Variants in ACTR3C observed in about 807,000 individuals in gnomAD.
ACTR3C encodes the protein actin-related protein 3C.
ACTR3C carries 18 observed loss-of-function variants against 26.3 expected under a neutral mutation model. The observed-to-expected ratio is 0.68, with a 90% CI of 0.47 to 1.01. The LOEUF (loss-of-function observed/expected upper bound fraction) is 1.01. ACTR3C is among the 50% of genes least tolerant of loss of function. The pLI is 0.00. For synonymous variants in ACTR3C, 55 were observed against 94.5 expected, an observed-to-expected ratio of 0.58 and a Z score of 2.42; for missense variants, 184 against 250.7, an observed-to-expected ratio of 0.73 and a Z score of 1.80.
the ACTR3C span, among the ~76,000 whole-genome samples, chr7:150,037,389 C>CG: frequency 6.8e-3 from 348 of 51,078 alleles, 119 homozygotes; most frequent in Non-Finnish European, 0.013. Flanking sequence ...CCTCCCCCCT[C>CG]TGCGATGGGG....
chr7:150,018,895 T>C, the ACTR3C span, among the ~76,000 whole-genome samples: 1 of 137,668 alleles, frequency 7.3e-6, no homozygotes, highest in African/African-American at 2.7e-5. Context: ...TATTTGAGTT[T>C]AGCAATGCCT....
At chr7:150,222,976 G>A in the ACTR3C span, among the ~76,000 whole-genome samples, 1 of 152,066 alleles carries the variant, frequency 6.6e-6, no homozygotes, top group Non-Finnish European at 1.5e-5. Flanking sequence ...AAAAAATTGT[G>A]GTATAATGTA....
At chr7:150,123,594 C>T in the ACTR3C span, among the ~76,000 whole-genome samples, 1 of 136,508 alleles carries the variant, frequency 7.3e-6, no homozygotes, top group Admixed American at 7.5e-5. Context: ...CACACACACA[C>T]ACACACACAC....
At chr7:149,904,543 CAACAACAAA>C in the ACTR3C span, among the ~76,000 whole-genome samples, 7 of 68,912 alleles carry the variant, frequency 1.0e-4, no homozygotes, top group Admixed American at 6.9e-4. Context: ...AAAACAACAA[CAACAACAAA>C]AAAAACTTTA....
At chr7:150,243,102 A>T (rs1306475321), downstream of ACTR3C, among the ~76,000 whole-genome samples, 1 of 152,164 alleles carries the variant, frequency 6.6e-6, no homozygotes, top group Non-Finnish European at 1.5e-5. Context: ...TGTGTGTGTT[A>T]TCTTGATTAC....
At chr7:150,037,784 T>G in the ACTR3C span, among the ~76,000 whole-genome samples, 3 of 36,364 alleles carry the variant, frequency 8.2e-5, no homozygotes, top group East Asian at 1.4e-3. Context: ...CCTCCTGCGA[T>G]GGGGGTCCCC....
At chr7:149,976,670 A>T in the ACTR3C span, among the ~76,000 whole-genome samples, 2 of 151,968 alleles carry the variant, frequency 1.3e-5, no homozygotes, top group East Asian at 3.8e-4. Context: ...ATAAAAGTAA[A>T]AAAAAATTAT....
At chr7:150,051,261 AT>A in the ACTR3C span, among the ~76,000 whole-genome samples, 1 of 152,020 alleles carries the variant, frequency 6.6e-6, no homozygotes, top group Non-Finnish European at 1.5e-5. Flanking sequence ...AGTGGTTAGT[AT>A]GTTAGAATAA....
chr7:150,120,597 C>A, the ACTR3C span, among the ~76,000 whole-genome samples: 2 of 151,886 alleles, frequency 1.3e-5, no homozygotes, highest in African/African-American at 4.8e-5. Context: ...TAATTAATAG[C>A]CTACCAACCA....
chr7:150,000,241 A>G, the ACTR3C span, among the ~76,000 whole-genome samples: 1 of 151,570 alleles, frequency 6.6e-6, no homozygotes, highest in South Asian at 2.1e-4. Flanking sequence ...AAATACCAAG[A>G]TTTAAAATGT....
At chr7:150,006,215 GAGA>G in the ACTR3C span, among the ~76,000 whole-genome samples, 8 of 81,454 alleles carry the variant, frequency 9.8e-5, no homozygotes, top group South Asian at 2.9e-3. Flanking sequence ...TATTTATTTT[GAGA>G]AGGAGTCTTA....
intron 1 of ACTR3C, among the ~76,000 whole-genome samples, chr7:150,298,425 A>G (rs1007583911): frequency 6.6e-6 from 1 of 150,500 alleles, no homozygotes; most frequent in Non-Finnish European, 1.5e-5. Flanking sequence ...ATGCCATACC[A>G]GTCCGATTAA....
chr7:149,900,796 G>A, the ACTR3C span, among the ~76,000 whole-genome samples: 2 of 152,200 alleles, frequency 1.3e-5, no homozygotes, highest in African/African-American at 4.8e-5. Flanking sequence ...CCAGCACTTT[G>A]GAAGGCCGAG....
At chr7:150,208,794 T>C in the ACTR3C span, among the ~76,000 whole-genome samples, 298 of 152,208 alleles carry the variant, frequency 2.0e-3, no homozygotes, top group Admixed American at 5.2e-3. Flanking sequence ...AGCAAAACAA[T>C]ACAAATCTCA....
At chr7:150,037,795 A>G in the ACTR3C span, among the ~76,000 whole-genome samples, 1 of 40,680 alleles carries the variant, frequency 2.5e-5, no homozygotes, top group African/African-American at 6.4e-5. Flanking sequence ...GGGGGTCCCC[A>G]GAGCCAGCGG....
At chr7:150,106,743 C>T in the ACTR3C span, among the ~76,000 whole-genome samples, 2 of 138,118 alleles carry the variant, frequency 1.4e-5, no homozygotes, top group African/African-American at 3.0e-5. Context: ...TCAGGCAACA[C>T]ACTTAACCAA....
the ACTR3C span, among the ~76,000 whole-genome samples, chr7:150,234,430 C>T: frequency 0.059 from 9,027 of 151,896 alleles, 489 homozygotes; most frequent in African/African-American, 0.14. Context: ...CTCTTCCATG[C>T]GCCCCACATG....
At chr7:150,093,003 C>T in the ACTR3C span, among the ~76,000 whole-genome samples, 1 of 151,350 alleles carries the variant, frequency 6.6e-6, no homozygotes, top group Non-Finnish European at 1.5e-5. Flanking sequence ...ATGTAGGGAG[C>T]GTTGGCTAAA....
At chr7:150,216,799 CA>C in the ACTR3C span, among the ~76,000 whole-genome samples, 1 of 151,268 alleles carries the variant, frequency 6.6e-6, no homozygotes, top group African/African-American at 2.4e-5. Context: ...CCAGCCTGAC[CA>C]ACATGGCAAA....
Sources: gnomAD v4.1 joint callset for allele counts (sites outside exome capture counted in the v4.1 genomes callset) on GRCh38, gnomAD v4.1.1 for gene constraint, MANE v1.5 for transcripts, NCBI Gene and HGNC (gene_info 2026-07-23, HGNC 2026-07-21) for gene names.